The following VPS13A variants were observed in gnomAD, a reference collection of about 807,000 sequenced individuals.
VPS13A encodes the protein vacuolar protein sorting 13 homolog A, also known as intermembrane lipid transfer protein VPS13A.
Under a neutral mutation model 390.9 loss-of-function variants are expected in VPS13A, and 264 were observed. The observed-to-expected ratio is 0.68, with a 90% CI of 0.61 to 0.75. The LOEUF (loss-of-function observed/expected upper bound fraction) is 0.75, where lower values mean the gene tolerates loss of function less well. VPS13A is among the 30% of genes least tolerant of loss of function. The probability of loss-of-function intolerance (pLI) is 0.00; values close to 1 mark genes in which losing one functional copy is unlikely to be tolerated. For missense variants in VPS13A, 3,409 were observed against 3,733.9 expected (o/e 0.91, Z 2.27); for synonymous variants, 1,231 against 1,227.1 (o/e 1.00, Z -0.07).
At chr9:77,411,842 G>A (rs559140152) in intron 71 of VPS13A, among the ~76,000 whole-genome samples, 8 of 151,688 alleles carry the variant, frequency 5.3e-5, no homozygotes, top group South Asian at 2.1e-4. Context: ...TTGATGGACC[G>A]CCAGCAAGTC....
chr9:77,240,538 C>CAATT (rs1341777889), intron 19 of VPS13A, among the ~76,000 whole-genome samples: 1 of 142,302 alleles, frequency 7.0e-6, no homozygotes, highest in Non-Finnish European at 1.5e-5. Context: ...GGTGCGGTGG[C>CAATT]ATAATCTCGG....
At chr9:77,248,728 T>C (rs957441456) in intron 20 of VPS13A, among the ~76,000 whole-genome samples, 7 of 152,070 alleles carry the variant, frequency 4.6e-5, no homozygotes, top group Admixed American at 3.9e-4. Flanking sequence ...TAGTGGCTAC[T>C]GTATTTTTTG....
chr9:77,367,016 TGA>T, intron 61 of VPS13A, 144 bp downstream of exon 61: 1 of 694,196 alleles, frequency 1.4e-6, no homozygotes, highest in South Asian at 2.0e-5. Context: ...AAGTGCAATC[TGA>T]ATAACACCAA....
At chr9:77,313,576 T>G (rs1419155245) in intron 35 of VPS13A, among the ~76,000 whole-genome samples, 1 of 152,228 alleles carries the variant, frequency 6.6e-6, no homozygotes, top group Non-Finnish European at 1.5e-5. Flanking sequence ...TGAATTCTTC[T>G]GATTAGTAGA....
chr9:77,297,290 C>G (rs188367100), intron 33 of VPS13A, among the ~76,000 whole-genome samples: 10 of 152,076 alleles, frequency 6.6e-5, no homozygotes, highest in Admixed American at 2.6e-4. Flanking sequence ...TTAAGTTACT[C>G]TATAAGTCTG....
intron 1 of VPS13A, among the ~76,000 whole-genome samples, chr9:77,180,467 ATTTCT>A (rs1263345705): frequency 5.9e-5 from 9 of 152,234 alleles, no homozygotes; most frequent in African/African-American, 2.2e-4. Flanking sequence ...TTTATAAAAC[ATTTCT>A]TTTATGAATC....
At chr9:77,236,760 A>G (rs774784591) in intron 17 of VPS13A, among the ~76,000 whole-genome samples, 1 of 152,236 alleles carries the variant, frequency 6.6e-6, no homozygotes, top group Non-Finnish European at 1.5e-5. Flanking sequence ...CATAAAGAGG[A>G]GAATGCCATG....
chr9:77,214,435 A>C (rs1434878490), intron 10 of VPS13A, 49 bp downstream of exon 10: 1 of 1,475,378 alleles, frequency 6.8e-7, no homozygotes, highest in Non-Finnish European at 9.5e-7. Flanking sequence ...AATTGGTATA[A>C]ATTTTAAATT....
At position 77,370,213 on chromosome 9, in the gene VPS13A, G is replaced by A. The variant is rs765744965; in HGVS notation, c.8668-44G>A. The A allele has an allele frequency of 1.9e-6, 3 of 1,601,012 alleles. No homozygotes were observed. The East Asian group carries it at 6.7e-5, about 36-fold the overall frequency. On this transcript the variant is annotated intron_variant, in intron 63 of 71. Transcript: ENST00000360280. ...TATCCGTAAGCTCATCTTTAAAAGT[G>A]AATATAACTCACTCACTCATTTATT...
At chr9:77,300,705 C>T (rs1296523100) in intron 33 of VPS13A, among the ~76,000 whole-genome samples, 1 of 152,192 alleles carries the variant, frequency 6.6e-6, no homozygotes, top group Non-Finnish European at 1.5e-5. Context: ...GCATTCCGGC[C>T]TGGATGACAA....
Position 77,323,218 on chromosome 9 carries a change from C to T in VPS13A, c.5982C>T (p.Ser1994=). 6.2e-7 allele frequency: 1 copy of T among 1,613,008 alleles called. No homozygotes were observed. ...VEGSKKVTIR[S]PVQIRNHFSV... is the part of the protein sequence containing the mutation. ...GAAGTAAGAAGGTCACAATTCGCTC[C>T]CCAGTGCAGGTATGAAATGATCAAT... is the stretch of plus-strand genomic sequence containing the variant. Residue 1994 remains serine (S), a synonymous_variant, in exon 45 of 72, where the codon TCC becomes TCT. Coordinates refer to ENST00000360280, the MANE Select transcript of VPS13A (RefSeq NM_033305.3).
chr9:77,239,550 CAA>C (rs1824348737), intron 19 of VPS13A, among the ~76,000 whole-genome samples: 1 of 151,562 alleles, frequency 6.6e-6, no homozygotes, highest in Admixed American at 6.6e-5. Context: ...GTATGAAGTA[CAA>C]AGTTTCTTTT....
intron 21 of VPS13A, 23 bp downstream of exon 21, chr9:77,250,252 G>T (rs1470515168): frequency 1.2e-6 from 2 of 1,611,364 alleles, no homozygotes; most frequent in Non-Finnish European, 1.7e-6. Flanking sequence ...TGCATTATTT[G>T]TTGATTGATT....
intron 61 of VPS13A, among the ~76,000 whole-genome samples, chr9:77,367,362 G>T (rs1392676518): frequency 6.6e-6 from 1 of 152,182 alleles, no homozygotes; most frequent in Non-Finnish European, 1.5e-5. Context: ...GATTCAGAAT[G>T]TCTGAGTTGA....
chr9:77,358,538 T>G, intron 57 of VPS13A, 100 bp downstream of exon 57: 1 of 1,025,218 alleles, frequency 9.8e-7, no homozygotes, highest in Non-Finnish European at 1.5e-6. Context: ...GGGTTTAATT[T>G]TTATAGGATA....
rs779949176 is a variant in VPS13A, at chr9:77,221,306, A to G, written c.1111A>G (p.Lys371Glu). The change falls in exon 13 of 72, where the codon AAA becomes GAA. Residue 371 changes from lysine (K) to glutamate (E), a missense_variant. By Grantham distance (56) the Lys-to-Glu change is moderately conservative (BLOSUM62 1). This residue lies in a region of VPS13A where 2,717 missense variants were observed against 2,917.4 expected (regional missense o/e 0.93). Transcript: ENST00000360280. ...KVKQYKELYK[K>E]KLTSKKPPGE... ...GAAGCAATATAAAGAACTGTATAAA[A>G]AAAAGTTAACAAGTAAGAAGCCACC... 6.8e-6 allele frequency: 11 copies of G among 1,613,374 alleles called. No homozygotes were observed. Among genetic ancestry groups the G allele is most frequent in the Non-Finnish European group, 9.3e-6 (11 of 1,179,578 alleles).
intron 19 of VPS13A, among the ~76,000 whole-genome samples, chr9:77,241,436 C>CTTTTTTTTTTTTTTTTTTTT (rs200979725): frequency 7.8e-6 from 1 of 128,706 alleles, no homozygotes. Context: ...TTACACTTGT[C>CTTTTTTTTTTTTTTTTTTTT]TTTTTTTTTT....
chr9:77,220,628 T>C (rs1198397133), intron 12 of VPS13A, among the ~76,000 whole-genome samples: 2 of 152,124 alleles, frequency 1.3e-5, no homozygotes, highest in Non-Finnish European at 2.9e-5. Context: ...TCATTTACTA[T>C]GGACGGGTCA....
intron 19 of VPS13A, among the ~76,000 whole-genome samples, chr9:77,244,489 C>T (rs192182032): frequency 3.0e-4 from 46 of 152,236 alleles, no homozygotes; most frequent in Admixed American, 3.0e-3. Context: ...TCTCACTGCC[C>T]TCGTTCTGCT....
Sources: gnomAD v4.1 joint callset for allele counts (sites outside exome capture counted in the v4.1 genomes callset) on GRCh38, gnomAD v4.1.1 for gene constraint, gnomAD v4.1.1 regional missense constraint, MANE v1.5 for transcripts, NCBI Gene and HGNC (gene_info 2026-07-23, HGNC 2026-07-21) for gene names.